The following RAPGEF4 variants were observed in gnomAD, a reference collection of about 807,000 sequenced individuals.
RAPGEF4 encodes the protein Rap guanine nucleotide exchange factor 4, also known as RAP guanine-nucleotide-exchange factor (GEF) 4.
Under a neutral mutation model 147.9 loss-of-function variants are expected in RAPGEF4, and 66 were observed. The observed-to-expected ratio is 0.45, with a 90% CI of 0.37 to 0.55. The LOEUF (loss-of-function observed/expected upper bound fraction) is 0.55, where lower values mean the gene tolerates loss of function less well. Ranked by LOEUF, RAPGEF4 falls within the 20% of genes least tolerant of loss-of-function variation. The pLI, the probability that RAPGEF4 is intolerant of heterozygous loss-of-function variation, is 0.00. For synonymous variants in RAPGEF4, 419 were observed against 442.7 expected, an observed-to-expected ratio of 0.95 and a Z score of 0.67; for missense variants, 1,071 against 1,257.3, an observed-to-expected ratio of 0.85 and a Z score of 2.24.
chr2:172,905,946 A>G (rs1389855576), intron 4 of RAPGEF4, among the ~76,000 whole-genome samples: 1 of 152,218 alleles, frequency 6.6e-6, no homozygotes, highest in Non-Finnish European at 1.5e-5. Flanking sequence ...AAGGCAGTGC[A>G]TGTGGCTTTA....
At chr2:172,964,455 A>G (rs1025356949) in intron 8 of RAPGEF4, among the ~76,000 whole-genome samples, 1 of 137,506 alleles carries the variant, frequency 7.3e-6, no homozygotes, top group African/African-American at 2.7e-5. Context: ...CAGAGAGTTG[A>G]AACCATGTGG....
At chr2:173,005,406 T>A (rs1023487019) in intron 17 of RAPGEF4, among the ~76,000 whole-genome samples, 4 of 152,132 alleles carry the variant, frequency 2.6e-5, no homozygotes, top group African/African-American at 7.2e-5. Context: ...TTAATAACTC[T>A]CTTTGATTCA....
chr2:172,840,059 C>A (rs1223196951), intron 4 of RAPGEF4, among the ~76,000 whole-genome samples: 1 of 152,174 alleles, frequency 6.6e-6, no homozygotes, highest in Non-Finnish European at 1.5e-5. Flanking sequence ...ATCTCTAATT[C>A]AAAGCTTTTA....
At chr2:173,032,748 G>A (rs910282418) in intron 26 of RAPGEF4, among the ~76,000 whole-genome samples, 1 of 152,120 alleles carries the variant, frequency 6.6e-6, no homozygotes, top group South Asian at 2.1e-4. Context: ...ACAAAATCGG[G>A]GTTTTACAGA....
intron 23 of RAPGEF4, among the ~76,000 whole-genome samples, chr2:173,026,043 AC>A (rs1366004209): frequency 6.6e-6 from 1 of 152,156 alleles, no homozygotes; most frequent in African/African-American, 2.4e-5. Flanking sequence ...ATCATGTGTA[AC>A]CTCAGTTCAC....
intron 22 of RAPGEF4, among the ~76,000 whole-genome samples, chr2:173,020,132 T>C (rs949449749): frequency 1.1e-4 from 16 of 152,234 alleles, no homozygotes; most frequent in African/African-American, 1.9e-4. Flanking sequence ...ATTTTTTTAA[T>C]GTGGGAGGAG....
At chr2:172,953,324 ATC>A (rs1388760486) in intron 6 of RAPGEF4, among the ~76,000 whole-genome samples, 2 of 147,630 alleles carry the variant, frequency 1.4e-5, no homozygotes, top group South Asian at 2.1e-4. Context: ...CTCTATATAT[ATC>A]TCTATATATA....
intron 4 of RAPGEF4, among the ~76,000 whole-genome samples, chr2:172,845,010 A>G (rs1575018646): frequency 6.6e-6 from 1 of 152,190 alleles, no homozygotes; most frequent in East Asian, 1.9e-4. Flanking sequence ...CCATCTTCTT[A>G]TTGGGAAGAA....
chr2:173,029,726 G>A (rs768993042), intron 25 of RAPGEF4, among the ~76,000 whole-genome samples: 1 of 152,184 alleles, frequency 6.6e-6, no homozygotes, highest in Non-Finnish European at 1.5e-5. Flanking sequence ...AAGCCATGGT[G>A]GCTGCAGCTG....
At position 172,917,832 on chromosome 2, in the gene RAPGEF4, G is replaced by A. The variant is rs777699456; in HGVS notation, c.475G>A (p.Ala159Thr). Reference protein sequence around the residue: ...KYRQYMAGLLAPPYGVMETGS... With the variant: ...KYRQYMAGLLTPPYGVMETGS... The stretch of plus-strand genomic sequence containing the variant: ...TCGACAGTATATGGCAGGACTTCTG[G>A]CTCCTCCTTATGGTGTTATGGAAAC... Residue 159 changes from alanine (A) to threonine (T), a missense_variant, in exon 5 of 31, where the codon GCT becomes ACT. Ala to Thr is a moderately conservative substitution (Grantham distance 58, BLOSUM62 0). Coordinates refer to ENST00000397081, the MANE Select transcript of RAPGEF4 (RefSeq NM_007023.4). 8.1e-6 allele frequency: 13 copies of A among 1,613,796 alleles called. No individual in the cohort carries two copies. Among genetic ancestry groups the A allele is most frequent in the South Asian group, 1.1e-5 (1 of 91,070 alleles).
intron 17 of RAPGEF4, among the ~76,000 whole-genome samples, chr2:173,003,999 C>A (rs1253969287): frequency 6.6e-6 from 1 of 152,010 alleles, no homozygotes; most frequent in African/African-American, 2.4e-5. Context: ...TCATAGCAGC[C>A]CTATGAAGAA....
intron 6 of RAPGEF4, among the ~76,000 whole-genome samples, chr2:172,947,047 G>A (rs941612300): frequency 1.3e-5 from 2 of 152,308 alleles, no homozygotes; most frequent in Admixed American, 6.5e-5. Context: ...AAATTTCTGA[G>A]ACTTGACATT....
At chr2:172,831,105 T>C (rs1690257577) in intron 4 of RAPGEF4, among the ~76,000 whole-genome samples, 1 of 152,096 alleles carries the variant, frequency 6.6e-6, no homozygotes, top group South Asian at 2.1e-4. Context: ...GTCAAAATTT[T>C]CACACAAATT....
chr2:172,935,683 C>A (rs1165964198), intron 6 of RAPGEF4, among the ~76,000 whole-genome samples: 4 of 152,176 alleles, frequency 2.6e-5, no homozygotes, highest in African/African-American at 9.7e-5. Context: ...TTGCAGTGAG[C>A]ATTGTGCTTT....
intron 27 of RAPGEF4, among the ~76,000 whole-genome samples, chr2:173,035,404 G>A (rs1364465782): frequency 1.3e-5 from 2 of 151,780 alleles, no homozygotes; most frequent in Non-Finnish European, 2.9e-5. Flanking sequence ...CCAGCTACTC[G>A]GGAGGCTGAG....
chr2:172,826,079 C>T (rs975888306), intron 4 of RAPGEF4, among the ~76,000 whole-genome samples: 3 of 152,222 alleles, frequency 2.0e-5, no homozygotes, highest in Non-Finnish European at 4.4e-5. Flanking sequence ...ATCCCTTCCA[C>T]TCCTCTAGCC....
chr2:172,761,341 T>C (rs959253177), intron 1 of RAPGEF4, among the ~76,000 whole-genome samples: 2 of 152,020 alleles, frequency 1.3e-5, no homozygotes, highest in African/African-American at 4.8e-5. Context: ...GTTAGGAAAA[T>C]GTTTGTTTGA....
At chr2:172,942,321 A>G (rs947192430) in intron 6 of RAPGEF4, among the ~76,000 whole-genome samples, 4 of 151,526 alleles carry the variant, frequency 2.6e-5, no homozygotes, top group African/African-American at 4.8e-5. Flanking sequence ...ATATTTTTAA[A>G]TTGTCTTAGC....
chr2:172,752,780 AC>A (rs1190056686), intron 1 of RAPGEF4, among the ~76,000 whole-genome samples: 1 of 152,220 alleles, frequency 6.6e-6, no homozygotes, highest in African/African-American at 2.4e-5. Flanking sequence ...TGGATGTCCA[AC>A]TGGTTGAATG....
Sources: allele counts gnomAD v4.1 joint callset (sites outside exome capture counted in the v4.1 genomes callset), GRCh38; gene constraint gnomAD v4.1.1; transcripts MANE v1.5; gene names NCBI Gene and HGNC (gene_info 2026-07-23, HGNC 2026-07-21).